DMD: variants seen among roughly 807,000 people sequenced by gnomAD.
The protein encoded by DMD is dystrophin, also known as mutant dystrophin.
A neutral mutation model predicts 330.1 loss-of-function variants in DMD; 63 were observed. The ratio of observed to expected loss-of-function variants is 0.19; its 90% CI spans 0.16 to 0.24. DMD has a LOEUF of 0.24. Ranked by LOEUF, DMD falls within the 10% of genes least tolerant of loss-of-function variation. The pLI, the probability that DMD is intolerant of heterozygous loss-of-function variation, is 1.00. For missense variants in DMD, 3,344 were observed against 2,684.1 expected, an observed-to-expected ratio of 1.25 and a Z score of -5.43; for synonymous variants, 1,223 against 959.8, an observed-to-expected ratio of 1.27 and a Z score of -5.07.
intron 7 of DMD, among the ~76,000 whole-genome samples, chrX:32,729,373 T>G (rs781672031): frequency 4.5e-5 from 5 of 112,178 alleles, no homozygotes; most frequent in Non-Finnish European, 7.5e-5. Context: ...ATATTTAGTC[T>G]TGAGGCACAA....
intron 62 of DMD, among the ~76,000 whole-genome samples, chrX:31,310,027 T>C (rs1409598616): frequency 1.8e-5 from 2 of 110,941 alleles, no homozygotes; most frequent in Non-Finnish European, 3.8e-5. Flanking sequence ...TTAACCACTA[T>C]TAACAAGATA....
chrX:32,364,888 A>C, intron 35 of DMD, 132 bp downstream of exon 35: 1 of 761,487 alleles, frequency 1.3e-6, no homozygotes, highest in Non-Finnish European at 1.9e-6. Flanking sequence ...AAATATTGTT[A>C]TAGATATTGA....
chrX:31,293,972 A>G (rs919800635), intron 62 of DMD, among the ~76,000 whole-genome samples: 8 of 111,749 alleles, frequency 7.2e-5, no homozygotes, highest in African/African-American at 2.3e-4. Flanking sequence ...CCTGGGCAAC[A>G]TGGTGAGACT....
chrX:31,679,340 G>C, intron 53 of DMD, 35 bp downstream of exon 53: 4 of 1,044,811 alleles, frequency 3.8e-6, no homozygotes, highest in Non-Finnish European at 5.2e-6. Flanking sequence ...AATGTAACCA[G>C]TATTTTATTT....
At chrX:32,875,398 C>T (rs1476311990) in intron 2 of DMD, among the ~76,000 whole-genome samples, 2 of 112,115 alleles carry the variant, frequency 1.8e-5, no homozygotes, top group Non-Finnish European at 3.8e-5. Flanking sequence ...ATACTTTCAA[C>T]CTGCTGTGAG....
chrX:31,521,775 A>G (rs1005499101), intron 55 of DMD, among the ~76,000 whole-genome samples: 3 of 111,636 alleles, frequency 2.7e-5, no homozygotes, highest in African/African-American at 9.8e-5. Context: ...TGAGAAACCA[A>G]CGTGGATAAT....
At chrX:31,508,141 G>A in intron 55 of DMD, 1 of 876,007 alleles carries the variant, frequency 1.1e-6, no homozygotes, top group Non-Finnish European at 1.7e-6. Flanking sequence ...TATGATAAGA[G>A]GTTATGCATT....
chrX:31,809,837 T>G lies in DMD; in HGVS notation c.7309+10138A>C, dbSNP rs746927667. Among the ~76,000 whole-genome samples the G allele has an allele frequency of 8.2e-5, 9 of 109,748 alleles. No homozygotes were observed. The East Asian group carries it at 8.5e-4, about 10-fold the overall frequency. On this transcript the variant is annotated intron_variant, in intron 50 of 78. Transcript: ENST00000357033. Reference sequence around the variant, plus strand: ...GGGCTTACTACTGAGATTGTGAAGATATATATATATATCTGTCAGCTGTGT... The same window carrying G: ...GGGCTTACTACTGAGATTGTGAAGAGATATATATATATCTGTCAGCTGTGT...
At chrX:33,102,278 C>T (rs976204265) in intron 1 of DMD, among the ~76,000 whole-genome samples, 30 of 105,174 alleles carry the variant, frequency 2.9e-4, no homozygotes, top group Non-Finnish European at 5.0e-4. Flanking sequence ...AAGAAACTTC[C>T]AAAGAGGAGA....
chrX:32,132,225 G>T (rs1035494047), intron 44 of DMD, among the ~76,000 whole-genome samples: 2 of 111,514 alleles, frequency 1.8e-5, no homozygotes, highest in African/African-American at 6.5e-5. Context: ...TGCATAAATG[G>T]GTGGGTCAGT....
chrX:32,296,903 C>G (rs2097499008), intron 42 of DMD, among the ~76,000 whole-genome samples: 1 of 111,696 alleles, frequency 9.0e-6, no homozygotes. Context: ...GATAAAATTG[C>G]TTTCTAATGG....
At chrX:33,029,397 A>G (rs764332212) in intron 1 of DMD, among the ~76,000 whole-genome samples, 1 of 112,095 alleles carries the variant, frequency 8.9e-6, no homozygotes, top group African/African-American at 3.2e-5. Context: ...CCTTTACTTC[A>G]TCTTTCATGA....
intron 55 of DMD, among the ~76,000 whole-genome samples, chrX:31,589,077 T>C (rs932267956): frequency 2.8e-4 from 28 of 101,194 alleles, no homozygotes; most frequent in African/African-American, 1.0e-3. Context: ...CCTTTAGTGG[T>C]TTTTACCATT....
intron 1 of DMD, among the ~76,000 whole-genome samples, chrX:33,120,640 G>C (rs770243210): frequency 9.0e-6 from 1 of 110,774 alleles, no homozygotes; most frequent in African/African-American, 3.3e-5. Flanking sequence ...CAGCACTTTG[G>C]GAGGCCGAGG....
chrX:31,595,584 A>T (rs773579914), intron 55 of DMD, among the ~76,000 whole-genome samples: 2 of 111,285 alleles, frequency 1.8e-5, no homozygotes, highest in Admixed American at 1.9e-4. Context: ...GAATAAAGTA[A>T]TTGGTTGAAA....
chrX:32,457,862 T>C (rs2098367211), intron 25 of DMD, among the ~76,000 whole-genome samples: 1 of 110,281 alleles, frequency 9.1e-6, no homozygotes, highest in South Asian at 3.9e-4. Flanking sequence ...CATTTATTGA[T>C]AACTATTTAC....
chrX:32,722,191 G>C (rs2066394697), intron 7 of DMD, among the ~76,000 whole-genome samples: 1 of 109,944 alleles, frequency 9.1e-6, no homozygotes, highest in African/African-American at 3.3e-5. Context: ...ATGCCATTTA[G>C]ATTTTCACAG....
intron 7 of DMD, among the ~76,000 whole-genome samples, chrX:32,719,850 C>T (rs1269033135): frequency 9.1e-6 from 1 of 109,853 alleles, no homozygotes; most frequent in Admixed American, 9.8e-5. Context: ...TGCCCTTTTC[C>T]AACCTCTGAA....
chrX:32,173,521 C>T (rs1008633545), intron 44 of DMD, among the ~76,000 whole-genome samples: 3 of 109,351 alleles, frequency 2.7e-5, no homozygotes, highest in South Asian at 4.0e-4. Context: ...TACAGGCATG[C>T]GCTGCCATGC....
Sources: gnomAD v4.1 joint callset for allele counts (sites outside exome capture counted in the v4.1 genomes callset) on GRCh38, gnomAD v4.1.1 for gene constraint, MANE v1.5 for transcripts, NCBI Gene and HGNC (gene_info 2026-07-23, HGNC 2026-07-21) for gene names.